The following HRK variants were observed in gnomAD, a reference collection of about 807,000 sequenced individuals.
HRK encodes the protein activator of apoptosis harakiri.
HRK carries 6 observed loss-of-function variants against 5.9 expected under a neutral mutation model. The observed-to-expected ratio is 1.02, with a 90% confidence interval of 0.56 to 2.01. The LOEUF is 2.01. Among genes scored for constraint, HRK ranks in the 30% most tolerant of loss-of-function variants. The pLI is 0.00. For missense variants in HRK, 133 were observed against 128.3 expected (o/e 1.04, Z -0.18); for synonymous variants, 85 against 65.1 (o/e 1.31, Z -1.47).
chr12:116,868,295 G>C (rs1400546759), intron 1 of HRK, among the ~76,000 whole-genome samples: 1 of 151,182 alleles, frequency 6.6e-6, no homozygotes, highest in East Asian at 1.9e-4. Flanking sequence ...AAACCACGCA[G>C]GTCAAACAGA....
In HRK at chr12:116,856,522, A is replaced by G. The variant is rs940928828; in HGVS notation, c.*5001T>C. On this transcript the variant is annotated 3_prime_UTR_variant, in exon 2 of 2. Coordinates refer to ENST00000257572, the MANE Select transcript of HRK (RefSeq NM_003806.4). The surrounding 1 kb of genome is among the most constrained non-coding windows in gnomAD (Gnocchi z 4.4). ...TTCCTTGCACCTTCCCCGGGGCCTT[A>G]TAGAAACCAGGAACACAGGGTTAGG... is the stretch of plus-strand genomic sequence containing the variant. 2.0e-5 allele frequency: 3 copies of G among 152,240 alleles called. No homozygotes were observed. Among genetic ancestry groups the G allele is most frequent in the African/African-American group, 7.2e-5 (3 of 41,466 alleles). The allele number at this position is 152,240 out of a possible 1,614,324, so 9.4% of individuals were successfully genotyped here.
At chr12:116,871,122 G>A (rs896647578) in intron 1 of HRK, among the ~76,000 whole-genome samples, 1 of 151,256 alleles carries the variant, frequency 6.6e-6, no homozygotes, top group Non-Finnish European at 1.5e-5. Context: ...GTTTTGTTTT[G>A]TTTTGTTTTG....
At position 116,881,066 on chromosome 12, in the gene HRK, A is replaced by T; in HGVS notation, c.242T>A (p.Leu81Gln). 1 of 1,354,074 alleles carries T rather than the reference A, an allele frequency of 7.4e-7. No homozygotes were observed. 83.9% of individuals were successfully genotyped at this position (1,354,074 alleles called of 1,614,324 possible). Residue 81 changes from leucine (L) to glutamine (Q), a missense_variant, in exon 1 of 2, where the codon CTG becomes CAG. By Grantham distance (113) the Leu-to-Gln change is moderately radical. Transcript: ENST00000257572. ...WLCAAAQVAA[L>Q]AAWLLGRRNL ...CCGCCTGCCGAGCAGCCAGGCCGCC[A>T]GCGCCGCCACCTGCGCGGCCGCGCA... is the stretch of plus-strand genomic sequence containing the variant.
intron 1 of HRK, among the ~76,000 whole-genome samples, chr12:116,866,475 C>T (rs937715385): frequency 6.6e-6 from 1 of 151,726 alleles, no homozygotes. Context: ...TCCATGTTAT[C>T]CCTTAAATCT....
intron 1 of HRK, among the ~76,000 whole-genome samples, chr12:116,874,125 AG>A (rs764165636): frequency 1.3e-5 from 2 of 152,262 alleles, no homozygotes; most frequent in Non-Finnish European, 2.9e-5. Context: ...AGGTGAGGGC[AG>A]GGGCAAAGCC....
rs1288222575 is a variant in HRK at position 116,866,580 on chromosome 12, G to T, written c.*57-5114C>A. On this transcript the variant is annotated intron_variant, in intron 1 of 1. Coordinates refer to ENST00000257572, the MANE Select transcript of HRK (RefSeq NM_003806.4). ...AAGATGGCTAGGTTGTGATGTGTGAGGAAGGAAGAGGCCATTTGGCAGCCT... is the reference window on the plus strand; with the variant it reads ...AAGATGGCTAGGTTGTGATGTGTGATGAAGGAAGAGGCCATTTGGCAGCCT... Among the ~76,000 whole-genome samples, 3 of 152,162 alleles carry T rather than the reference G, an allele frequency of 2.0e-5. No individual in the cohort carries two copies. The East Asian group carries it at 5.8e-4, about 29-fold the overall frequency.
chr12:116,877,102 G>A (rs1878961274), intron 1 of HRK, among the ~76,000 whole-genome samples: 1 of 152,212 alleles, frequency 6.6e-6, no homozygotes, highest in African/African-American at 2.4e-5. Flanking sequence ...CTAGGCTGGA[G>A]TGCAATAGTG....
intron 1 of HRK, among the ~76,000 whole-genome samples, chr12:116,877,945 G>A (rs927210596): frequency 1.3e-5 from 2 of 152,102 alleles, no homozygotes; most frequent in African/African-American, 2.4e-5. Context: ...TCGCTCTGTC[G>A]CCCAGGCTGG....
In HRK at chr12:116,862,212, C is replaced by A. The variant is rs958140221; in HGVS notation, c.*57-746G>T. 6.6e-6 allele frequency among the ~76,000 whole-genome samples: 1 copy of A among 152,130 alleles called. No individual in the cohort carries two copies. Among genetic ancestry groups the A allele is most frequent in the Non-Finnish European group, 1.5e-5 (1 of 68,032 alleles). ...AGAAAATGAGGCATCCTAGGCAGGG[C>A]AGAAAAAACAGCCCATACCCAGGAG... is the stretch of plus-strand genomic sequence containing the variant. On this transcript the variant is annotated intron_variant, in intron 1 of 1. Coordinates refer to ENST00000257572, the MANE Select transcript of HRK (RefSeq NM_003806.4). The surrounding 1 kb of genome is among the most constrained non-coding windows in gnomAD (Gnocchi z 4.0).
rs1377241501 is a variant in HRK, at chr12:116,857,520, A to C, written c.*4003T>G. On this transcript the variant is annotated 3_prime_UTR_variant, in exon 2 of 2. Transcript: ENST00000257572. ...ACTTGTAATATCAGGTGGACACTCAAAAAGTCCACAATGGTGAGCCACTGT... is the reference window on the plus strand; with the variant it reads ...ACTTGTAATATCAGGTGGACACTCACAAAGTCCACAATGGTGAGCCACTGT... The C allele has an allele frequency of 6.6e-6, 1 of 152,208 alleles. No individual in the cohort carries two copies. Among genetic ancestry groups the C allele is most frequent in the East Asian group, 1.9e-4 (1 of 5,190 alleles). The allele number at this position is 152,208 out of a possible 1,614,324, so 9.4% of individuals were successfully genotyped here. A position where few individuals can be genotyped will look rare whatever the true frequency, so the allele number is the denominator to read the frequency against.
At chr12:116,880,381 G>A (rs936241734) in intron 1 of HRK, among the ~76,000 whole-genome samples, 10 of 152,342 alleles carry the variant, frequency 6.6e-5, no homozygotes, top group African/African-American at 1.2e-4. Flanking sequence ...AATTGCAAAT[G>A]CGCGGAGCTT....
rs747223009 is a variant in HRK, at chr12:116,860,930, G to C, written c.*593C>G. The C allele has an allele frequency of 1.2e-4, 19 of 152,120 alleles. 1 individual carries two copies. The highest frequency in any genetic ancestry group is 2.6e-4 in the Non-Finnish European group (18 of 68,040). The allele number at this position is 152,120 out of a possible 1,614,324, so 9.4% of individuals were successfully genotyped here. A position where few individuals can be genotyped will look rare whatever the true frequency, so the allele number is the denominator to read the frequency against. ...AGGTAAGTACAGAGGGAGAGGCTAG[G>C]ACGAGTCAAGAAATGGAGGCATCCC... On this transcript the variant is annotated 3_prime_UTR_variant, in exon 2 of 2. Transcript: ENST00000257572.
At chr12:116,874,012 C>T (rs1020524795) in intron 1 of HRK, among the ~76,000 whole-genome samples, 1 of 152,194 alleles carries the variant, frequency 6.6e-6, no homozygotes, top group Non-Finnish European at 1.5e-5. Flanking sequence ...TCGATGTCCA[C>T]AATGTTCCCC....
chr12:116,870,647 T>C (rs935385234), intron 1 of HRK, among the ~76,000 whole-genome samples: 1 of 151,746 alleles, frequency 6.6e-6, no homozygotes, highest in South Asian at 2.1e-4. Context: ...ACCCCATCTC[T>C]AAAAAAAAGT....
chr12:116,859,629 A>G lies in HRK; in HGVS notation c.*1894T>C, dbSNP rs1303774873. On this transcript the variant is annotated 3_prime_UTR_variant, in exon 2 of 2. Transcript: ENST00000257572. ...AGAAACACGTTCTCCCAAAATAAGCATTATTCTTCTTTTTTTTTTTTTGGT... is the reference window on the plus strand; with the variant it reads ...AGAAACACGTTCTCCCAAAATAAGCGTTATTCTTCTTTTTTTTTTTTTGGT... 1 of 108,286 alleles carries G rather than the reference A, an allele frequency of 9.2e-6. No homozygotes were observed. The highest frequency in any genetic ancestry group is 2.2e-5 in the Non-Finnish European group (1 of 44,892). The allele number at this position is 108,286 out of a possible 1,614,324, so 6.7% of individuals were successfully genotyped here.
At chr12:116,863,690 C>A (rs1878442266) in intron 1 of HRK, among the ~76,000 whole-genome samples, 1 of 151,452 alleles carries the variant, frequency 6.6e-6, no homozygotes, top group Admixed American at 6.6e-5. Context: ...TGACTTCAAA[C>A]CTTTTGCTTT....
At position 116,881,102 on chromosome 12, in the gene HRK, C is replaced by T; in HGVS notation, c.206G>A (p.Trp69Ter). The T allele has an allele frequency of 1.6e-6, 2 of 1,273,266 alleles. No homozygotes were observed. Among genetic ancestry groups the T allele is most frequent in the Non-Finnish European group, 9.9e-7 (1 of 1,011,582 alleles). The allele number at this position is 1,273,266 out of a possible 1,614,324, so 78.9% of individuals were successfully genotyped here. A position where few individuals can be genotyped will look rare whatever the true frequency, so the allele number is the denominator to read the frequency against. The part of the protein sequence containing the change: ...APAPGALPTY[W>*]PWLCAAAQVA... Reference sequence around the variant, plus strand: ...CTGCGCGGCCGCGCACAGCCAAGGCCAGTAGGTGGGGAGCGCGCCGGGCGC... The same window carrying T: ...CTGCGCGGCCGCGCACAGCCAAGGCTAGTAGGTGGGGAGCGCGCCGGGCGC... The change falls in exon 1 of 2, where the codon TGG becomes TAG. Residue 69 changes from tryptophan (W) to a stop codon, truncating the protein, a stop_gained. Coordinates refer to ENST00000257572, the MANE Select transcript of HRK (RefSeq NM_003806.4). LOFTEE classifies it high-confidence loss of function.
At chr12:116,863,179 C>T (rs1264494201) in intron 1 of HRK, among the ~76,000 whole-genome samples, 1 of 152,204 alleles carries the variant, frequency 6.6e-6, no homozygotes, top group Non-Finnish European at 1.5e-5. Context: ...AGGGAGATCA[C>T]TTTATGGCTT....
In HRK at chr12:116,881,153, CGCCGCCACATG is replaced by C; in HGVS notation, c.144_154del (p.Met49ProfsTer82). On this transcript the variant is annotated frameshift_variant, in exon 1 of 2. Transcript: ENST00000257572. LOFTEE classifies it high-confidence loss of function. ...CGGCGCCCTCCGGCTCCGCGCGCGG[CGCCGCCACATG>C]GTGCGCTGGTGCAGCTCGTCGCCTA... 8.5e-7 allele frequency: 1 copy of C among 1,182,988 alleles called. No homozygotes were observed. Among genetic ancestry groups the C allele is most frequent in the Non-Finnish European group, 1.0e-6 (1 of 958,312 alleles). The allele number at this position is 1,182,988 out of a possible 1,614,324, so 73.3% of individuals were successfully genotyped here.
Sources: allele counts gnomAD v4.1 joint callset (sites outside exome capture counted in the v4.1 genomes callset), GRCh38; gene constraint gnomAD v4.1.1; non-coding constraint Gnocchi (gnomAD v3.1); transcripts MANE v1.5; gene names NCBI Gene and HGNC (gene_info 2026-07-23, HGNC 2026-07-21).